CACNG5: variants seen among roughly 807,000 people sequenced by gnomAD.
The protein encoded by CACNG5 is calcium voltage-gated channel auxiliary subunit gamma 5, also known as voltage-dependent calcium channel gamma-5 subunit.
A neutral mutation model predicts 24.8 loss-of-function variants in CACNG5; 18 were observed. The ratio of observed to expected loss-of-function variants is 0.73; its 90% CI spans 0.50 to 1.08. The LOEUF is 1.08. Among genes scored for constraint, CACNG5 ranks in the 50% least tolerant of loss-of-function variants. CACNG5 has a pLI of 0.00. For missense variants in CACNG5, 349 were observed against 367.9 expected (o/e 0.95, Z 0.42); for synonymous variants, 157 against 149.1 (o/e 1.05, Z -0.39).
chr17:66,837,982 G>A (rs1396465471), intron 1 of CACNG5, among the ~76,000 whole-genome samples: 1 of 151,966 alleles, frequency 6.6e-6, no homozygotes, highest in East Asian at 2.0e-4. Flanking sequence ...GTTGGGCTCC[G>A]GCAGCCTGTT....
chr17:66,880,926 A>G (rs927775799), intron 4 of CACNG5, among the ~76,000 whole-genome samples: 1 of 152,118 alleles, frequency 6.6e-6, no homozygotes, highest in Non-Finnish European at 1.5e-5. Context: ...TTTAGTAAAG[A>G]TGGGGTTTTT....
intron 1 of CACNG5, among the ~76,000 whole-genome samples, chr17:66,835,476 G>C (rs2144491247): frequency 6.6e-6 from 1 of 152,330 alleles, no homozygotes; most frequent in East Asian, 1.9e-4. Flanking sequence ...CTGTCCATCT[G>C]TCTGTCCCAA....
intron 1 of CACNG5, among the ~76,000 whole-genome samples, chr17:66,871,896 G>A (rs1185537309): frequency 6.6e-6 from 1 of 152,082 alleles, no homozygotes. Flanking sequence ...AACTCAAGAA[G>A]GCTGCCTGCT....
intron 1 of CACNG5, among the ~76,000 whole-genome samples, chr17:66,850,769 G>A (rs914635735): frequency 6.6e-6 from 1 of 152,140 alleles, no homozygotes; most frequent in African/African-American, 2.4e-5. Flanking sequence ...GGAAAGGGAG[G>A]GGGATGAAAA....
At chr17:66,836,881 T>C (rs963898073) in intron 1 of CACNG5, among the ~76,000 whole-genome samples, 3 of 152,190 alleles carry the variant, frequency 2.0e-5, no homozygotes, top group Admixed American at 6.5e-5. Flanking sequence ...TTGAGGGAGC[T>C]CAGCCATTCT....
At chr17:66,872,745 G>A (rs141079513) in intron 1 of CACNG5, among the ~76,000 whole-genome samples, 55 of 152,216 alleles carry the variant, frequency 3.6e-4, no homozygotes, top group Non-Finnish European at 6.2e-4. Flanking sequence ...CCACTAGGTG[G>A]GTTTCAGAAG....
At chr17:66,859,488 C>T (rs1043882514) in intron 1 of CACNG5, among the ~76,000 whole-genome samples, 13 of 152,122 alleles carry the variant, frequency 8.5e-5, no homozygotes, top group African/African-American at 2.9e-4. Flanking sequence ...TATAGAAGCG[C>T]ATCACAGTGC....
chr17:66,858,954 G>T (rs191540381), intron 1 of CACNG5, among the ~76,000 whole-genome samples: 8 of 152,260 alleles, frequency 5.3e-5, no homozygotes, highest in African/African-American at 1.9e-4. Context: ...GACAGCAACC[G>T]CACCCTCCAA....
chr17:66,877,598 G>T (rs1355725297), intron 2 of CACNG5, 70 bp downstream of exon 2: 1 of 1,335,510 alleles, frequency 7.5e-7, no homozygotes, highest in African/African-American at 1.4e-5. Context: ...CCCTCCCTGG[G>T]AAGAGATGGC....
At chr17:66,873,582 A>G (rs1977039815) in intron 1 of CACNG5, among the ~76,000 whole-genome samples, 1 of 152,158 alleles carries the variant, frequency 6.6e-6, no homozygotes, top group African/African-American at 2.4e-5. Context: ...CGTGCTTCAG[A>G]AGCTCTGATC....
At chr17:66,850,999 C>T (rs1025233276) in intron 1 of CACNG5, among the ~76,000 whole-genome samples, 4 of 152,046 alleles carry the variant, frequency 2.6e-5, no homozygotes, top group African/African-American at 7.2e-5. Context: ...TTAATGCCTA[C>T]CCATGGACTG....
At chr17:66,857,571 A>T (rs1976799096) in intron 1 of CACNG5, among the ~76,000 whole-genome samples, 1 of 152,206 alleles carries the variant, frequency 6.6e-6, no homozygotes, top group Non-Finnish European at 1.5e-5. Flanking sequence ...CTTTATTCAT[A>T]CTACATCTTA....
chr17:66,849,914 G>A (rs1976691101), intron 1 of CACNG5, among the ~76,000 whole-genome samples: 1 of 152,196 alleles, frequency 6.6e-6, no homozygotes, highest in African/African-American at 2.4e-5. Context: ...CGGTCAAGTG[G>A]TGAAAAGATA....
rs941531890 is a variant in CACNG5 at position 66,868,301 on chromosome 17, G to T, written c.-103-8929G>T. The stretch of plus-strand genomic sequence containing the variant: ...CCAGGAAGTTTTGGAATGCAGTGTG[G>T]CAGGGGTGTGCCAGAGCTCTGTATC... On this transcript the variant is annotated intron_variant, in intron 1 of 5. Coordinates refer to ENST00000533854, the MANE Select transcript of CACNG5 (RefSeq NM_145811.3). 4.1e-4 allele frequency among the ~76,000 whole-genome samples: 62 copies of T among 152,196 alleles called. 1 individual carries two copies. The highest frequency in any genetic ancestry group is 1.4e-3 in the African/African-American group (60 of 41,432).
intron 4 of CACNG5, among the ~76,000 whole-genome samples, chr17:66,883,479 A>G (rs1977194279): frequency 6.6e-6 from 1 of 152,242 alleles, no homozygotes; most frequent in Admixed American, 6.5e-5. Context: ...TGTGAGTGGA[A>G]TTAAACCTGA....
chr17:66,884,177 TCC>T (rs938261746), intron 4 of CACNG5, among the ~76,000 whole-genome samples: 18 of 149,536 alleles, frequency 1.2e-4, no homozygotes, highest in African/African-American at 4.4e-4. Flanking sequence ...CAGTGCCAGG[TCC>T]CCATCCCAGG....
chr17:66,877,389 T>C lies in CACNG5; in HGVS notation c.57T>C (p.Cys19=), dbSNP rs146874664. The change falls in exon 2 of 6, where the codon TGT becomes TGC. Residue 19 remains cysteine, a synonymous_variant. Transcript: ENST00000533854. ...LTLLSSVFAV[C]GLGLLGIAVS... is the part of the protein sequence containing the mutation. ...TGCTGAGCAGTGTCTTTGCTGTCTG[T>C]GGCTTGGGCCTCCTGGGTATCGCGG... The C allele has an allele frequency of 5.8e-3, 9,316 of 1,614,138 alleles. 31 individuals are homozygous for C. The highest frequency in any genetic ancestry group is 6.6e-3 in the Non-Finnish European group (7,736 of 1,180,014).
In CACNG5 at chr17:66,888,048, C is replaced by T. The variant is rs1338499059; in HGVS notation, c.*2808C>T. ...TTCTGATCTTTTGTTTCCTCAAGCACTGTAAAAAAATGGGAGGGGTAGACT... is the reference window on the plus strand; with the variant it reads ...TTCTGATCTTTTGTTTCCTCAAGCATTGTAAAAAAATGGGAGGGGTAGACT... On this transcript the variant is annotated 3_prime_UTR_variant, in exon 6 of 6. Transcript: ENST00000533854. Among the ~76,000 whole-genome samples, 4 of 151,904 alleles carry T rather than the reference C, an allele frequency of 2.6e-5. No individual in the cohort carries two copies. Among genetic ancestry groups the T allele is most frequent in the African/African-American group, 7.3e-5 (3 of 41,336 alleles).
At position 66,885,499 on chromosome 17, in the gene CACNG5, C is replaced by G. The variant is rs556563407; in HGVS notation, c.*259C>G. The G allele has an allele frequency of 1.4e-4, 66 of 472,176 alleles. No homozygotes were observed. The highest frequency in any genetic ancestry group is 6.9e-4 in the South Asian group (16 of 23,290). 29.2% of individuals were successfully genotyped at this position (472,176 alleles called of 1,614,324 possible). On this transcript the variant is annotated 3_prime_UTR_variant, in exon 6 of 6. Coordinates refer to ENST00000533854, the MANE Select transcript of CACNG5 (RefSeq NM_145811.3). ...GCCCCGCCCATGTGAGTGCCAATCACAGCAGTGGCTCCAGGAAGCCAGCAG... is the reference window on the plus strand; with the variant it reads ...GCCCCGCCCATGTGAGTGCCAATCAGAGCAGTGGCTCCAGGAAGCCAGCAG...
Sources: allele counts gnomAD v4.1 joint callset (sites outside exome capture counted in the v4.1 genomes callset), GRCh38; gene constraint gnomAD v4.1.1; transcripts MANE v1.5; gene names NCBI Gene and HGNC (gene_info 2026-07-23, HGNC 2026-07-21).